Variants in OFD1 observed in about 807,000 individuals in gnomAD.
The protein encoded by OFD1 is OFD1 centriole and centriolar satellite protein.
OFD1 carries 12 observed loss-of-function variants against 81.4 expected under a neutral mutation model. The ratio of observed to expected loss-of-function variants is 0.15; its 90% confidence interval spans 0.09 to 0.24. The LOEUF is 0.24. Among genes scored for constraint, OFD1 ranks in the 10% least tolerant of loss-of-function variants. The pLI is 1.00. For synonymous variants in OFD1, 256 were observed against 263.7 expected, an observed-to-expected ratio of 0.97 and a Z score of 0.28; for missense variants, 685 against 733.9, an observed-to-expected ratio of 0.93 and a Z score of 0.77.
At position 13,739,045 on chromosome X, in the gene OFD1, A is replaced by G; in HGVS notation, c.412+13A>G. Reference sequence around the variant, plus strand: ...GAAAATCAAAAAGGTAGGAGCCGTCATCTTTGTAGAGAACAGCAACAGTTT... The same window carrying G: ...GAAAATCAAAAAGGTAGGAGCCGTCGTCTTTGTAGAGAACAGCAACAGTTT... On this transcript the variant is annotated intron_variant, in intron 5 of 22. Transcript: ENST00000340096. 1.7e-6 allele frequency: 2 copies of G among 1,196,971 alleles called. No individual in the cohort carries two copies. The highest frequency in any genetic ancestry group is 2.3e-6 in the Non-Finnish European group (2 of 883,161).
At chrX:13,765,403 A>G (rs926762117) in intron 19 of OFD1, among the ~76,000 whole-genome samples, 1 of 111,893 alleles carries the variant, frequency 8.9e-6, no homozygotes, top group African/African-American at 3.3e-5. Context: ...TAAGAAAGCA[A>G]TCTTGTTTAG....
chrX:13,728,928 A>G, the OFD1 span, among the ~76,000 whole-genome samples: 10 of 112,067 alleles, frequency 8.9e-5, no homozygotes, highest in Non-Finnish European at 1.7e-4. Flanking sequence ...TCAATATGCA[A>G]AAATCACAAG....
chrX:13,732,347 G>A (rs1194598514), upstream of OFD1, among the ~76,000 whole-genome samples: 2 of 111,994 alleles, frequency 1.8e-5, no homozygotes, highest in East Asian at 2.8e-4. Flanking sequence ...CCTTTTTGGG[G>A]TGGAAAGGGA....
chrX:13,761,205 A>G lies in OFD1; in HGVS notation c.2381A>G (p.Lys794Arg), dbSNP rs2047913969. 6 of 1,208,262 alleles carry G rather than the reference A, an allele frequency of 5.0e-6. No homozygotes were observed. The highest frequency in any genetic ancestry group is 3.5e-5 in the African/African-American group (2 of 56,832). Reference sequence around the variant, plus strand: ...CCTGTCTCCAGCCCTCCGGAGCAGAAAGTGGGGTAAGTATAACGTTCTGAT... The same window carrying G: ...CCTGTCTCCAGCCCTCCGGAGCAGAGAGTGGGGTAAGTATAACGTTCTGAT... ...IPPVSSPPEQ[K>R]VGLYRRQTEL... Residue 794 changes from lysine to arginine, a missense_variant, in exon 17 of 23, where the codon AAA becomes AGA. Lys to Arg is a conservative substitution (Grantham distance 26, BLOSUM62 2). Coordinates refer to ENST00000340096, the MANE Select transcript of OFD1 (RefSeq NM_003611.3).
Position 13,744,511 on chromosome X carries a change from A to G in OFD1, c.509A>G (p.Asp170Gly). 9.1e-7 allele frequency: 1 copy of G among 1,098,311 alleles called. No individual in the cohort carries two copies. Among genetic ancestry groups the G allele is most frequent in the Non-Finnish European group, 1.3e-6 (1 of 792,433 alleles). 90.5% of individuals were successfully genotyped at this position (1,098,311 alleles called of 1,213,427 possible). ...CAGACAAGTTCGACATTTAACAGAG[A>G]TTCTCTGGGTAATTATAGCCTTCTT... ...ETQTSSTFNR[D>G]SLAEKLQLID... Residue 170 changes from aspartate to glycine, a missense_variant, in exon 6 of 23, where the codon GAT becomes GGT. Coordinates refer to ENST00000340096, the MANE Select transcript of OFD1 (RefSeq NM_003611.3).
intron 5 of OFD1, among the ~76,000 whole-genome samples, chrX:13,740,440 A>G (rs2047046741): frequency 8.9e-6 from 1 of 112,231 alleles, no homozygotes; most frequent in African/African-American, 3.2e-5. Flanking sequence ...GTATATAGCT[A>G]GTATCTTTTG....
chrX:13,746,628 A>C (rs2047309290), intron 7 of OFD1, 152 bp from the exon 8 acceptor site: 2 of 684,330 alleles, frequency 2.9e-6, no homozygotes, highest in Non-Finnish European at 2.2e-6. Flanking sequence ...TTTTGAGTGA[A>C]TCCTACAAAT....
intron 5 of OFD1, 64 bp downstream of exon 5, chrX:13,739,096 A>G: frequency 1.0e-6 from 1 of 990,956 alleles, no homozygotes; most frequent in Non-Finnish European, 1.4e-6. Context: ...CTCTAAAAGA[A>G]TGAAGCAAAT....
intron 5 of OFD1, among the ~76,000 whole-genome samples, chrX:13,741,283 G>A (rs2047089886): frequency 8.9e-6 from 1 of 112,274 alleles, no homozygotes; most frequent in Non-Finnish European, 1.9e-5. Context: ...GATAGGTCAG[G>A]CATCCTAGTG....
the OFD1 span, among the ~76,000 whole-genome samples, chrX:13,728,302 G>C: frequency 9.0e-6 from 1 of 111,730 alleles, no homozygotes; most frequent in Admixed American, 9.5e-5. Flanking sequence ...AATAAAAAAA[G>C]AGAATTTTAG....
chrX:13,767,102 T>C, intron 19 of OFD1, 25 bp from the exon 20 acceptor site: 1 of 1,198,706 alleles, frequency 8.3e-7, no homozygotes, highest in Non-Finnish European at 1.1e-6. Flanking sequence ...TACTGGAAGC[T>C]ACTCTTTATT....
chrX:13,725,983 T>C, the OFD1 span, among the ~76,000 whole-genome samples: 2 of 111,681 alleles, frequency 1.8e-5, no homozygotes, highest in African/African-American at 3.3e-5. Flanking sequence ...AATAACTGAT[T>C]TGATCAAGTA....
At chrX:13,749,337 G>A in intron 8 of OFD1, 90 bp from the exon 9 acceptor site, 1 of 549,187 alleles carries the variant, frequency 1.8e-6, no homozygotes, top group Non-Finnish European at 3.3e-6. Flanking sequence ...TCTGTACTTT[G>A]CTTTTTGGAA....
At chrX:13,734,557 G>A (rs936423296), upstream of OFD1, 6 of 419,686 alleles carry the variant, frequency 1.4e-5, no homozygotes, top group East Asian at 4.5e-4. Context: ...GAAACGCAAT[G>A]TCAGTTTCCG....
chrX:13,730,314 A>T (rs1462787541), upstream of OFD1, among the ~76,000 whole-genome samples: 1 of 112,357 alleles, frequency 8.9e-6, no homozygotes, highest in Non-Finnish European at 1.9e-5. Flanking sequence ...AGACACATGA[A>T]AAAAATGCTC....
At chrX:13,719,820 TA>T in the OFD1 span, 1 of 933,469 alleles carries the variant, frequency 1.1e-6, no homozygotes, top group Non-Finnish European at 1.5e-6. Flanking sequence ...CTTCCAGTTC[TA>T]AAATCATATT....
intron 5 of OFD1, among the ~76,000 whole-genome samples, chrX:13,740,988 A>G (rs1569111396): frequency 1.9e-5 from 2 of 107,646 alleles, no homozygotes; most frequent in Non-Finnish European, 3.9e-5. Flanking sequence ...ATACAAAAAA[A>G]AGTTAGCCAG....
chrX:13,723,179 C>G, the OFD1 span, among the ~76,000 whole-genome samples: 1 of 111,203 alleles, frequency 9.0e-6, no homozygotes, highest in African/African-American at 3.3e-5. Context: ...TGGCTAGTGG[C>G]CACAGTACTA....
chrX:13,755,780 A>G (rs1377623603), intron 12 of OFD1, among the ~76,000 whole-genome samples: 1 of 111,289 alleles, frequency 9.0e-6, no homozygotes, highest in Non-Finnish European at 1.9e-5. Flanking sequence ...TGTCTGAAGG[A>G]TGAAGCTGGA....
Sources: gnomAD v4.1 joint callset for allele counts (sites outside exome capture counted in the v4.1 genomes callset) on GRCh38, gnomAD v4.1.1 for gene constraint, MANE v1.5 for transcripts, NCBI Gene and HGNC (gene_info 2026-07-23, HGNC 2026-07-21) for gene names.